The following RARB variants were observed in gnomAD, a reference collection of about 807,000 sequenced individuals.
The protein encoded by RARB is retinoic acid receptor beta, also known as HBV-activated protein.
A neutral mutation model predicts 51.9 loss-of-function variants in RARB; 17 were observed. The ratio of observed to expected loss-of-function variants is 0.33; its 90% CI spans 0.22 to 0.49. The LOEUF (loss-of-function observed/expected upper bound fraction) is 0.49, where lower values mean the gene tolerates loss of function less well. Among genes scored for constraint, RARB ranks in the 20% least tolerant of loss-of-function variants. The pLI is 0.99. For missense variants in RARB, 369 were observed against 550.8 expected, an observed-to-expected ratio of 0.67 and a Z score of 3.30; for synonymous variants, 215 against 195.4, an observed-to-expected ratio of 1.10 and a Z score of -0.84.
chr3:25,377,888 A>T (rs892713765), intron 5 of RARB, among the ~76,000 whole-genome samples: 1 of 152,204 alleles, frequency 6.6e-6, no homozygotes, highest in African/African-American at 2.4e-5. Flanking sequence ...AAATAGCCAA[A>T]GCCCACTTCT....
chr3:25,594,222 A>G (rs1325626660), intron 6 of RARB, among the ~76,000 whole-genome samples: 2 of 152,210 alleles, frequency 1.3e-5, no homozygotes, highest in African/African-American at 4.8e-5. Flanking sequence ...TAAAATAACC[A>G]TCCTGCTCAA....
At chr3:24,893,237 C>CA (rs879902100) in intron 2 of RARB, among the ~76,000 whole-genome samples, 4 of 152,202 alleles carry the variant, frequency 2.6e-5, no homozygotes, top group Admixed American at 1.3e-4. Context: ...TTGATCTTGA[C>CA]AAACACTGTC....
rs542633998 is a variant in RARB, at chr3:25,443,936, G to GTAA, written c.157+15064_157+15066dup. 1.3e-3 allele frequency among the ~76,000 whole-genome samples: 199 copies of GTAA among 151,622 alleles called. 1 individual carries two copies. The highest frequency in any genetic ancestry group is 4.2e-3 in the African/African-American group (175 of 41,386). On this transcript the variant is annotated intron_variant, in intron 1 of 7. Transcript: ENST00000330688. ...ACAGAGCTAGACTCTGTCTCAAAAA[G>GTAA]TAATAATAATAATAATAAAATAAAT...
Position 25,394,553 on chromosome 3 carries a change from C to G in RARB, c.179-66640C>G, listed in dbSNP as rs928294422. ...ATCTATCTCATTTCTTGGGTCTAGT[C>G]TTAATTGTTTTATAAACTTGGGAGC... is the stretch of plus-strand genomic sequence containing the variant. On this transcript the variant is annotated intron_variant, in intron 5 of 11. Coordinates refer to the RARB transcript ENST00000383772. 6.6e-5 allele frequency among the ~76,000 whole-genome samples: 10 copies of G among 152,010 alleles called. No homozygotes were observed. In the East Asian group the frequency reaches 1.7e-3, roughly 26 times the overall value.
chr3:24,862,592 C>T (rs1702772138), intron 2 of RARB, among the ~76,000 whole-genome samples: 1 of 152,152 alleles, frequency 6.6e-6, no homozygotes, highest in African/African-American at 2.4e-5. Context: ...TCTAGCGTAT[C>T]CATGCTGTAT....
intron 5 of RARB, among the ~76,000 whole-genome samples, chr3:25,388,111 G>A (rs943061718): frequency 1.3e-5 from 2 of 152,138 alleles, no homozygotes; most frequent in Non-Finnish European, 2.9e-5. Flanking sequence ...TTTTGACAGT[G>A]AAATACTATA....
chr3:25,144,550 G>A (rs1700157602), intron 4 of RARB, among the ~76,000 whole-genome samples: 1 of 152,118 alleles, frequency 6.6e-6, no homozygotes. Context: ...GATGTAGCAA[G>A]GCCAAAAAAG....
chr3:25,299,133 A>G (rs868652987), intron 5 of RARB, among the ~76,000 whole-genome samples: 13 of 152,354 alleles, frequency 8.5e-5, no homozygotes, highest in South Asian at 2.1e-4. Flanking sequence ...TGGGGGTTTT[A>G]TAATAAATAA....
intron 5 of RARB, among the ~76,000 whole-genome samples, chr3:25,246,889 G>A (rs1268214219): frequency 6.6e-6 from 1 of 152,210 alleles, no homozygotes; most frequent in East Asian, 1.9e-4. Flanking sequence ...CCAGCAAGCA[G>A]AAACGTTTAA....
intron 2 of RARB, among the ~76,000 whole-genome samples, chr3:24,972,242 A>G (rs1192423659): frequency 2.6e-5 from 4 of 151,840 alleles, no homozygotes; most frequent in African/African-American, 9.7e-5. Context: ...AACATGTGAT[A>G]TTTGTCTTTC....
intron 5 of RARB, among the ~76,000 whole-genome samples, chr3:25,299,167 G>A (rs1703983882): frequency 2.0e-5 from 3 of 152,114 alleles, no homozygotes; most frequent in African/African-American, 4.8e-5. Flanking sequence ...AGTATTTACT[G>A]GAGAATGGTG....
At chr3:25,425,537 A>G (rs577476815), upstream of RARB, among the ~76,000 whole-genome samples, 1 of 152,350 alleles carries the variant, frequency 6.6e-6, no homozygotes, top group East Asian at 1.9e-4. Flanking sequence ...AGAAACCCAT[A>G]CTATTCCTTT....
intron 2 of RARB, among the ~76,000 whole-genome samples, chr3:24,965,145 C>T (rs1406007153): frequency 2.6e-5 from 4 of 152,112 alleles, no homozygotes; most frequent in African/African-American, 9.7e-5. Context: ...TGGTTAAGGG[C>T]ACAGGATCTC....
At chr3:24,979,917 C>CT (rs751859170) in intron 2 of RARB, among the ~76,000 whole-genome samples, 2 of 151,488 alleles carry the variant, frequency 1.3e-5, no homozygotes, top group Non-Finnish European at 3.0e-5. Context: ...GGTATTGGTT[C>CT]TTTATTTCCA....
intron 1 of RARB, among the ~76,000 whole-genome samples, chr3:25,438,880 C>G (rs1250911285): frequency 6.6e-6 from 1 of 152,224 alleles, no homozygotes; most frequent in Non-Finnish European, 1.5e-5. Flanking sequence ...ATTTTCTCTA[C>G]TATAAACCAG....
intron 3 of RARB, among the ~76,000 whole-genome samples, chr3:25,504,604 C>T (rs1697478013): frequency 6.6e-6 from 1 of 152,002 alleles, no homozygotes; most frequent in East Asian, 1.9e-4. Flanking sequence ...CAAAAATGAC[C>T]TCATGTCCAC....
intron 1 of RARB, among the ~76,000 whole-genome samples, chr3:25,456,082 G>A (rs778190871): frequency 2.0e-5 from 3 of 152,166 alleles, no homozygotes; most frequent in Non-Finnish European, 4.4e-5. Flanking sequence ...CTGCTGAGCC[G>A]GCAGAGTTTT....
intron 5 of RARB, among the ~76,000 whole-genome samples, chr3:25,331,474 C>T (rs1197870696): frequency 6.6e-6 from 1 of 152,092 alleles, no homozygotes; most frequent in African/African-American, 2.4e-5. Context: ...GCTTTGAAAC[C>T]AGTGAGAACA....
chr3:25,558,861 T>G (rs895224677), intron 3 of RARB, among the ~76,000 whole-genome samples: 6 of 152,196 alleles, frequency 3.9e-5, no homozygotes, highest in Admixed American at 3.3e-4. Flanking sequence ...ATCCCCATTT[T>G]CATTCTGTTG....
Sources: allele counts gnomAD v4.1 joint callset (sites outside exome capture counted in the v4.1 genomes callset), GRCh38; gene constraint gnomAD v4.1.1; transcripts MANE v1.5; gene names NCBI Gene and HGNC (gene_info 2026-07-23, HGNC 2026-07-21).